The following RIT2 variants were observed in gnomAD, a reference collection of about 807,000 sequenced individuals.
RIT2 encodes the protein GTP-binding protein Rit2.
RIT2 carries 24 observed loss-of-function variants against 23.7 expected under a neutral mutation model. That is an observed-to-expected ratio of 1.01 (90% CI 0.73 to 1.43). The LOEUF is 1.43. RIT2 is among the 40% of genes most tolerant of loss of function. The pLI, the probability that RIT2 is intolerant of heterozygous loss-of-function variation, is 0.00. For missense variants in RIT2, 236 were observed against 266.9 expected, an observed-to-expected ratio of 0.88 and a Z score of 0.81; for synonymous variants, 107 against 91.1, an observed-to-expected ratio of 1.17 and a Z score of -0.99.
intron 4 of RIT2, among the ~76,000 whole-genome samples, chr18:42,771,084 C>T (rs1479249905): frequency 1.3e-5 from 2 of 152,260 alleles, no homozygotes; most frequent in East Asian, 3.9e-4. Context: ...TCCCACTTTG[C>T]CTCTTTACTC....
At chr18:42,940,462 G>A (rs991986029) in intron 3 of RIT2, among the ~76,000 whole-genome samples, 2 of 151,314 alleles carry the variant, frequency 1.3e-5, no homozygotes, top group Non-Finnish European at 2.9e-5. Flanking sequence ...CAGGGGCACT[G>A]TGTTATCCTT....
At chr18:42,782,359 A>G (rs916634442) in intron 4 of RIT2, among the ~76,000 whole-genome samples, 4 of 152,144 alleles carry the variant, frequency 2.6e-5, no homozygotes, top group African/African-American at 4.8e-5. Flanking sequence ...TTGTTACACC[A>G]TATAACAGGC....
chr18:42,807,149 C>T (rs1307422116), intron 4 of RIT2, among the ~76,000 whole-genome samples: 6 of 152,042 alleles, frequency 3.9e-5, no homozygotes, highest in African/African-American at 1.4e-4. Context: ...AAATTTGTTA[C>T]CTTAAATTTC....
rs553827813 is a variant in RIT2 at position 42,986,809 on chromosome 18, A to C, written c.161-12662T>G. On this transcript the variant is annotated intron_variant, in intron 2 of 4. Coordinates refer to ENST00000326695, the MANE Select transcript of RIT2 (RefSeq NM_002930.4). ...AGCCACCGAGCCCAGCCAGCTGTTT[A>C]TTTTTTGTAATAAACCAGAAATGTA... 1.2e-4 allele frequency among the ~76,000 whole-genome samples: 18 copies of C among 152,060 alleles called. No individual in the cohort carries two copies. The East Asian group carries it at 3.5e-3, about 29-fold the overall frequency.
At chr18:42,919,031 T>A (rs1908986331) in intron 4 of RIT2, among the ~76,000 whole-genome samples, 1 of 152,144 alleles carries the variant, frequency 6.6e-6, no homozygotes, top group African/African-American at 2.4e-5. Flanking sequence ...GGGGGCTTTC[T>A]CCCTACATCA....
At chr18:43,099,339 T>A (rs117853996) in intron 1 of RIT2, among the ~76,000 whole-genome samples, 6 of 151,880 alleles carry the variant, frequency 4.0e-5, no homozygotes, top group South Asian at 2.1e-4. Flanking sequence ...TATAAGCAAG[T>A]TTTTATTTAC....
rs562360891 is a variant in RIT2 at position 42,749,506 on chromosome 18, G to A, written c.427-5786C>T. Among the ~76,000 whole-genome samples, 202 of 151,868 alleles carry A rather than the reference G, an allele frequency of 1.3e-3. 2 individuals carry two copies. The highest frequency in any genetic ancestry group is 4.7e-3 in the African/African-American group (196 of 41,554). ...TAAAATAGAAAACAATTATGCAATG[G>A]AGAAGACGAAATCAAACATGAATTC... On this transcript the variant is annotated intron_variant, in intron 4 of 4. Transcript: ENST00000326695.
chr18:42,744,809 A>G (rs1912879530), intron 4 of RIT2, among the ~76,000 whole-genome samples: 1 of 152,278 alleles, frequency 6.6e-6, no homozygotes, highest in South Asian at 2.1e-4. Context: ...AGCAAACACC[A>G]CCATTATGGG....
chr18:42,977,418 C>T (rs553874057), intron 2 of RIT2, among the ~76,000 whole-genome samples: 1 of 151,952 alleles, frequency 6.6e-6, no homozygotes, highest in Non-Finnish European at 1.5e-5. Flanking sequence ...AAAACATCAT[C>T]GGATTTTGGC....
intron 1 of RIT2, among the ~76,000 whole-genome samples, chr18:43,057,532 C>T (rs111447283): frequency 1.1e-4 from 16 of 152,182 alleles, no homozygotes; most frequent in Middle Eastern, 3.4e-3. Flanking sequence ...ATAACACAAA[C>T]GAACTAGGAA....
intron 3 of RIT2, among the ~76,000 whole-genome samples, chr18:42,944,097 C>T (rs2144162611): frequency 6.6e-6 from 1 of 152,238 alleles, no homozygotes; most frequent in Non-Finnish European, 1.5e-5. Flanking sequence ...CTACTTTGAA[C>T]TAGCTAATGG....
chr18:43,085,793 T>C (rs1913269733), intron 1 of RIT2, among the ~76,000 whole-genome samples: 1 of 152,066 alleles, frequency 6.6e-6, no homozygotes. Flanking sequence ...CCACATGTGG[T>C]GGGAGGGACT....
chr18:43,025,412 T>C (rs1911693080), intron 2 of RIT2, among the ~76,000 whole-genome samples: 2 of 152,014 alleles, frequency 1.3e-5, no homozygotes, highest in Non-Finnish European at 2.9e-5. Context: ...CCATTTGGTT[T>C]AGCAATCCTG....
intron 1 of RIT2, among the ~76,000 whole-genome samples, chr18:43,101,832 C>A (rs1297627319): frequency 6.6e-6 from 1 of 151,928 alleles, no homozygotes; most frequent in African/African-American, 2.4e-5. Context: ...TGGGGTGGCT[C>A]TAAAGAAAGT....
intron 1 of RIT2, among the ~76,000 whole-genome samples, chr18:43,062,201 G>A (rs1912663194): frequency 6.6e-6 from 1 of 152,102 alleles, no homozygotes; most frequent in African/African-American, 2.4e-5. Context: ...CAGATACTCA[G>A]GACATGGATG....
At chr18:43,102,228 C>T (rs1456807871) in intron 1 of RIT2, among the ~76,000 whole-genome samples, 1 of 152,162 alleles carries the variant, frequency 6.6e-6, no homozygotes, top group East Asian at 1.9e-4. Context: ...TATGTGGAAA[C>T]ATGTGGCTAA....
chr18:42,999,974 G>GA (rs1164700926), intron 2 of RIT2, among the ~76,000 whole-genome samples: 1 of 152,020 alleles, frequency 6.6e-6, no homozygotes, highest in African/African-American at 2.4e-5. Flanking sequence ...CCAATGGAGT[G>GA]AAAAATCTCC....
chr18:42,930,841 CAATT>C (rs1297788110), intron 3 of RIT2, among the ~76,000 whole-genome samples: 1 of 152,082 alleles, frequency 6.6e-6, no homozygotes, highest in Non-Finnish European at 1.5e-5. Context: ...GGGTACAAAT[CAATT>C]AGTCTGGATC....
intron 2 of RIT2, among the ~76,000 whole-genome samples, chr18:43,031,634 A>G (rs1333692551): frequency 1.3e-5 from 2 of 152,064 alleles, no homozygotes; most frequent in Non-Finnish European, 2.9e-5. Context: ...CTTTTCAGTG[A>G]TAAAGGGATC....
Sources: gnomAD v4.1 joint callset for allele counts (sites outside exome capture counted in the v4.1 genomes callset) on GRCh38, gnomAD v4.1.1 for gene constraint, MANE v1.5 for transcripts, NCBI Gene and HGNC (gene_info 2026-07-23, HGNC 2026-07-21) for gene names.